Variants in MYO1H observed in about 807,000 individuals in gnomAD.
MYO1H encodes myosin IH.
In MYO1H, 118 loss-of-function variants were observed where a neutral mutation model predicts 149.3. That is an observed-to-expected ratio of 0.79 (90% CI 0.68 to 0.92). The LOEUF (loss-of-function observed/expected upper bound fraction) is 0.92, where lower values mean the gene tolerates loss of function less well. Ranked by LOEUF, MYO1H falls within the 40% of genes least tolerant of loss-of-function variation. The pLI is 0.00. For missense variants in MYO1H, 1,212 were observed against 1,280.7 expected, an observed-to-expected ratio of 0.95 and a Z score of 0.82; for synonymous variants, 447 against 465.2, an observed-to-expected ratio of 0.96 and a Z score of 0.50.
At chr12:109,326,423 G>T in the MYO1H span, among the ~76,000 whole-genome samples, 1 of 152,038 alleles carries the variant, frequency 6.6e-6, no homozygotes, top group African/African-American at 2.4e-5. Context: ...ACATTCTGTT[G>T]GTTACAAGTG....
At chr12:109,349,489 C>CT (rs1258366708) in intron 1 of MYO1H, among the ~76,000 whole-genome samples, 1 of 108,620 alleles carries the variant, frequency 9.2e-6, no homozygotes, top group Non-Finnish European at 1.9e-5. Flanking sequence ...ATAGTGTGAC[C>CT]CCCCCACCAA....
At chr12:109,421,569 A>G (rs2075439) in intron 16 of MYO1H, among the ~76,000 whole-genome samples, 50,236 of 151,800 alleles carry the variant, frequency 0.33, 8,474 homozygotes, top group Admixed American at 0.4. Flanking sequence ...ACGAGGGGCA[A>G]TGTTAGGAGA....
exon 17 of MYO1H, chr12:109,424,763 A>C: frequency 2.5e-6 from 4 of 1,613,894 alleles, no homozygotes; most frequent in Non-Finnish European, 3.4e-6. Context: ...GTGCAAGTCC[A>C]AGAACATTAT....
At chr12:109,443,383 CACACACACACAT>C (rs1872324158) in intron 27 of MYO1H, 119 bp from the exon 28 acceptor site, 6 of 849,518 alleles carry the variant, frequency 7.1e-6, no homozygotes, top group Middle Eastern at 3.4e-4. Context: ...CACACACACA[CACACACACACAT>C]ACACGCAAAA....
chr12:109,375,462 A>G (rs990220092), intron 1 of MYO1H, among the ~76,000 whole-genome samples: 1 of 152,108 alleles, frequency 6.6e-6, no homozygotes, highest in African/African-American at 2.4e-5. Context: ...CAGCCATTCA[A>G]TTTTATATAA....
At chr12:109,335,730 T>G in the MYO1H span, among the ~76,000 whole-genome samples, 1 of 152,236 alleles carries the variant, frequency 6.6e-6, no homozygotes. Flanking sequence ...ATCTTTTATC[T>G]CTCTTAGTAA....
At chr12:109,349,385 G>A (rs1868405250) in intron 1 of MYO1H, among the ~76,000 whole-genome samples, 1 of 152,090 alleles carries the variant, frequency 6.6e-6, no homozygotes, top group African/African-American at 2.4e-5. Flanking sequence ...AAACTGGGCT[G>A]GGCATGGTGG....
Position 109,431,108 on chromosome 12 carries a change from G to A in MYO1H, c.1950-1789G>A, listed in dbSNP as rs191978754. ...ATAAACATAATATGAGGCCAGGCAC[G>A]GTGGCTCACACCTGTAATCCCAGCG... On this transcript the variant is annotated intron_variant, in intron 19 of 31. Coordinates refer to ENST00000310903, the Ensembl canonical transcript of MYO1H. Among the ~76,000 whole-genome samples the A allele has an allele frequency of 8.7e-5, 13 of 150,220 alleles. No individual in the cohort carries two copies. The East Asian group carries it at 1.4e-3, about 16-fold the overall frequency.
the MYO1H span, among the ~76,000 whole-genome samples, chr12:109,334,228 A>G: frequency 6.6e-6 from 1 of 152,150 alleles, no homozygotes. Context: ...CGTGTTGGCC[A>G]GGCTGGTCTC....
chr12:109,419,865 C>A (rs1477389215), intron 15 of MYO1H, among the ~76,000 whole-genome samples: 1 of 124,804 alleles, frequency 8.0e-6, no homozygotes, highest in African/African-American at 3.4e-5. Flanking sequence ...TTGGCTGCTC[C>A]CCCAACTTAA....
chr12:109,440,258 A>G (rs1872061339), intron 24 of MYO1H, among the ~76,000 whole-genome samples: 1 of 151,876 alleles, frequency 6.6e-6, no homozygotes, highest in Non-Finnish European at 1.5e-5. Flanking sequence ...TTAGTCTCGA[A>G]CTCCTGACCT....
In MYO1H at chr12:109,428,120, C is replaced by T. The variant is rs189622417; in HGVS notation, c.1949+534C>T. 1.8e-4 allele frequency among the ~76,000 whole-genome samples: 27 copies of T among 149,846 alleles called. No homozygotes were observed. The East Asian group carries it at 5.0e-3, about 28-fold the overall frequency. On this transcript the variant is annotated intron_variant, in intron 19 of 31. Coordinates refer to ENST00000310903, the Ensembl canonical transcript of MYO1H. Reference sequence around the variant, plus strand: ...ACAAAACAACAAAAAAAAAAACTCACAAAAATTCAGTTTACCATCTTCTGT... The same window carrying T: ...ACAAAACAACAAAAAAAAAAACTCATAAAAATTCAGTTTACCATCTTCTGT...
intron 1 of MYO1H, among the ~76,000 whole-genome samples, chr12:109,387,154 C>T (rs1869374490): frequency 6.6e-6 from 1 of 152,104 alleles, no homozygotes; most frequent in South Asian, 2.1e-4. Flanking sequence ...TGGTCTCCAA[C>T]TCCTGGCTTT....
chr12:109,439,708 A>G (rs1355954656), exon 24 of MYO1H: 2 of 1,613,928 alleles, frequency 1.2e-6, no homozygotes, highest in Non-Finnish European at 1.7e-6. Context: ...GTGCGGAAGA[A>G]TTACATCTTG....
At chr12:109,394,833 A>G (rs1869822966) in intron 3 of MYO1H, among the ~76,000 whole-genome samples, 1 of 152,092 alleles carries the variant, frequency 6.6e-6, no homozygotes, top group Admixed American at 6.6e-5. Context: ...ACAGTAATGG[A>G]TCACTGCAGC....
the MYO1H span, among the ~76,000 whole-genome samples, chr12:109,321,652 C>T: frequency 4.6e-5 from 7 of 152,170 alleles, no homozygotes; most frequent in Non-Finnish European, 8.8e-5. Context: ...GAGAAGCTTA[C>T]TGGCTAATAA....
At position 109,432,905 on chromosome 12, in the gene MYO1H, C is replaced by T. The variant is rs764842255; in HGVS notation, c.1958C>T (p.Ser653Phe). 3.4e-5 allele frequency: 55 copies of T among 1,613,798 alleles called. No homozygotes were observed. The highest frequency in any genetic ancestry group is 4.4e-5 in the Non-Finnish European group (52 of 1,179,818). ...TCCATCTCCTCTCCTAGGTACAAGT[C>T]CTTATGCCCAGACACCTGGCCGCAC... Residue 653 changes from serine (S) to phenylalanine (F), a missense_variant, in exon 20 of 32, where the codon TCC becomes TTC. Ser to Phe is a radical substitution (Grantham distance 155). Coordinates refer to ENST00000310903, the Ensembl canonical transcript of MYO1H.
rs752330813 is a variant in MYO1H at position 109,396,588 on chromosome 12, C to T, written c.489+6C>T. ...TCTCCAACCCAGTGCTGGAGGTAAG[C>T]GATCTCTGGGGACCAATCGAAGGGA... On this transcript the variant is annotated splice_donor_region_variant and intron_variant, in intron 4 of 31. Coordinates refer to ENST00000310903, the Ensembl canonical transcript of MYO1H. 5 of 1,606,128 alleles carry T rather than the reference C, an allele frequency of 3.1e-6. No individual in the cohort carries two copies. Among genetic ancestry groups the T allele is most frequent in the East Asian group, 2.2e-5 (1 of 44,746 alleles).
At chr12:109,425,260 G>A (rs1871313842) in intron 17 of MYO1H, among the ~76,000 whole-genome samples, 1 of 152,200 alleles carries the variant, frequency 6.6e-6, no homozygotes, top group African/African-American at 2.4e-5. Context: ...CTTGAACCCA[G>A]GAGTTTGAAG....
Sources: gnomAD v4.1 joint callset for allele counts (sites outside exome capture counted in the v4.1 genomes callset) on GRCh38, gnomAD v4.1.1 for gene constraint, MANE v1.5 for transcripts, NCBI Gene and HGNC (gene_info 2026-07-23, HGNC 2026-07-21) for gene names.